The following WDFY4 variants were observed in gnomAD, a reference collection of about 807,000 sequenced individuals.
WDFY4 encodes the protein WD repeat- and FYVE domain-containing protein 4.
WDFY4 carries 169 observed loss-of-function variants against 351.9 expected under a neutral mutation model. The ratio of observed to expected loss-of-function variants is 0.48; its 90% CI spans 0.42 to 0.55. The LOEUF (loss-of-function observed/expected upper bound fraction) is 0.55. WDFY4 is among the 20% of genes least tolerant of loss of function. The probability of loss-of-function intolerance (pLI) is 0.00; values close to 1 mark genes in which losing one functional copy is unlikely to be tolerated. For synonymous variants in WDFY4, 1,622 were observed against 1,574.6 expected (o/e 1.03, Z -0.71); for missense variants, 3,803 against 3,935.6 (o/e 0.97, Z 0.90).
Position 48,803,172 on chromosome 10 carries a change from G to A in WDFY4, c.4411-114G>A, listed in dbSNP as rs544786007. On this transcript the variant is annotated intron_variant, in intron 24 of 61. Transcript: ENST00000325239. ...TCTGATTCCAGAGCTGGTACATCAT[G>A]TTGATGATTCCACGTCAGAGGATCA... The A allele has an allele frequency of 2.6e-4, 259 of 990,584 alleles. No individual in the cohort carries two copies. In the African/African-American group the frequency reaches 3.5e-3, roughly 13 times the overall value. 61.4% of individuals were successfully genotyped at this position (990,584 alleles called of 1,614,324 possible).
intron 36 of WDFY4, among the ~76,000 whole-genome samples, chr10:48,828,272 T>C (rs1218927717): frequency 6.6e-6 from 1 of 152,132 alleles, no homozygotes; most frequent in African/African-American, 2.4e-5. Context: ...TCCAGCAAAA[T>C]TAAAATGCTA....
chr10:48,883,508 A>G (rs1402472572), intron 43 of WDFY4, among the ~76,000 whole-genome samples: 1 of 152,178 alleles, frequency 6.6e-6, no homozygotes, highest in African/African-American at 2.4e-5. Flanking sequence ...TTCAGATGTC[A>G]TTGTGAGACT....
chr10:48,781,260 GTGTGTGTATATATATATA>G (rs1175509127), intron 19 of WDFY4, among the ~76,000 whole-genome samples: 1 of 151,534 alleles, frequency 6.6e-6, no homozygotes, highest in Non-Finnish European at 1.5e-5. Flanking sequence ...ATATATGTGT[GTGTGTGTATATATATATA>G]TGTGTGTGTG....
intron 51 of WDFY4, among the ~76,000 whole-genome samples, chr10:48,949,274 G>A (rs766395959): frequency 2.6e-5 from 4 of 152,078 alleles, no homozygotes; most frequent in Non-Finnish European, 5.9e-5. Flanking sequence ...TCCTCTAGTG[G>A]GTCACACCTG....
At chr10:48,745,870 G>C (rs1051157801) in intron 12 of WDFY4, 1 of 314,404 alleles carries the variant, frequency 3.2e-6, no homozygotes, top group Non-Finnish European at 6.0e-6. Flanking sequence ...TGGGCCTTGC[G>C]GACCGCGGGC....
chr10:48,775,339 G>C (rs116425328), intron 14 of WDFY4, among the ~76,000 whole-genome samples: 36 of 152,310 alleles, frequency 2.4e-4, no homozygotes, highest in African/African-American at 8.7e-4. Context: ...TGTAGAGGGC[G>C]CACAGACAGC....
chr10:48,759,115 C>G (rs2065422703), intron 12 of WDFY4, among the ~76,000 whole-genome samples: 1 of 152,132 alleles, frequency 6.6e-6, no homozygotes, highest in Non-Finnish European at 1.5e-5. Flanking sequence ...CTTCCCTGGA[C>G]TCTCTGGTTC....
intron 47 of WDFY4, among the ~76,000 whole-genome samples, chr10:48,923,986 T>C (rs1462110848): frequency 2.0e-5 from 3 of 152,156 alleles, no homozygotes; most frequent in Non-Finnish European, 4.4e-5. Context: ...CTCCCAGCTC[T>C]GATGAATGGT....
intron 13 of WDFY4, among the ~76,000 whole-genome samples, chr10:48,765,882 A>T (rs540022579): frequency 5.3e-5 from 8 of 152,374 alleles, no homozygotes; most frequent in African/African-American, 1.9e-4. Flanking sequence ...GGAAGCCTCC[A>T]GAACAGCCTG....
Position 48,734,687 on chromosome 10 carries a change from A to G in WDFY4, c.1687+652A>G, listed in dbSNP as rs531029784. On this transcript the variant is annotated intron_variant, in intron 10 of 61. Transcript: ENST00000325239. ...GAGTCTTTAACATTTAGTCTGCAAA[A>G]GGTTCCCCGGAGGTGCTGGCTAAAT... 2.2e-3 allele frequency among the ~76,000 whole-genome samples: 333 copies of G among 152,160 alleles called. 2 individuals are homozygous for G. Among genetic ancestry groups the G allele is most frequent in the Non-Finnish European group, 3.6e-3 (247 of 68,000 alleles).
At chr10:48,854,098 G>A (rs548964343) in intron 39 of WDFY4, among the ~76,000 whole-genome samples, 27 of 150,174 alleles carry the variant, frequency 1.8e-4, no homozygotes, top group African/African-American at 6.4e-4. Flanking sequence ...TTAATTTTTA[G>A]GAGACAGTCT....
intron 47 of WDFY4, among the ~76,000 whole-genome samples, chr10:48,941,071 T>A (rs1840728748): frequency 6.6e-6 from 1 of 152,148 alleles, no homozygotes; most frequent in South Asian, 2.1e-4. Context: ...TGCCAAAAGG[T>A]GCTCCTGGAA....
intron 47 of WDFY4, among the ~76,000 whole-genome samples, chr10:48,919,549 C>T (rs1838863659): frequency 6.6e-6 from 1 of 152,190 alleles, no homozygotes; most frequent in African/African-American, 2.4e-5. Context: ...TCTCACTGTT[C>T]CAGAGGCTGG....
chr10:48,938,942 A>G (rs1589954049), intron 47 of WDFY4, among the ~76,000 whole-genome samples: 1 of 152,196 alleles, frequency 6.6e-6, no homozygotes, highest in African/African-American at 2.4e-5. Flanking sequence ...CAATAAGGCC[A>G]GGCCGGGTAA....
chr10:48,977,061 A>T (rs1842599389), intron 59 of WDFY4, 82 bp downstream of exon 59: 24 of 1,292,920 alleles, frequency 1.9e-5, no homozygotes, highest in Non-Finnish European at 2.3e-5. Flanking sequence ...CAGGGGGCCA[A>T]ACCTGCAGGT....
At chr10:48,932,422 T>C (rs1157513551) in intron 47 of WDFY4, 2 of 152,202 alleles carry the variant, frequency 1.3e-5, no homozygotes, top group African/African-American at 4.8e-5. Context: ...CTAACATTAC[T>C]AGTGATTGCA....
chr10:48,831,690 G>T (rs2068193953), intron 38 of WDFY4, among the ~76,000 whole-genome samples: 1 of 152,184 alleles, frequency 6.6e-6, no homozygotes, highest in Non-Finnish European at 1.5e-5. Context: ...AAATTTATTT[G>T]CTCAGTTCTG....
At chr10:48,964,178 C>T in intron 54 of WDFY4, 124 bp downstream of exon 54, 1 of 1,087,072 alleles carries the variant, frequency 9.2e-7, no homozygotes, top group Non-Finnish European at 1.3e-6. Flanking sequence ...CATCATCTTC[C>T]TGTGCTTTCA....
intron 47 of WDFY4, among the ~76,000 whole-genome samples, chr10:48,910,470 T>C (rs956838517): frequency 6.6e-6 from 1 of 151,920 alleles, no homozygotes; most frequent in Non-Finnish European, 1.5e-5. Context: ...TTCCAAGGAG[T>C]AAAGGTGACT....
Sources: allele counts gnomAD v4.1 joint callset (sites outside exome capture counted in the v4.1 genomes callset), GRCh38; gene constraint gnomAD v4.1.1; transcripts MANE v1.5; gene names NCBI Gene and HGNC (gene_info 2026-07-23, HGNC 2026-07-21).